SLC26A7: variants seen among roughly 807,000 people sequenced by gnomAD.
The protein encoded by SLC26A7 is solute carrier family 26 member 7, also known as anion exchange transporter.
A neutral mutation model predicts 82.5 loss-of-function variants in SLC26A7; 59 were observed. That is an observed-to-expected ratio of 0.72 (90% CI 0.58 to 0.89). The LOEUF is 0.89. SLC26A7 is among the 40% of genes least tolerant of loss of function. The pLI is 0.00. For missense variants in SLC26A7, 820 were observed against 793.0 expected (o/e 1.03, Z -0.41); for synonymous variants, 271 against 274.3 (o/e 0.99, Z 0.12).
At chr8:91,332,877 C>G (rs1813134035) in intron 5 of SLC26A7, among the ~76,000 whole-genome samples, 1 of 151,942 alleles carries the variant, frequency 6.6e-6, no homozygotes, top group Non-Finnish European at 1.5e-5. Flanking sequence ...TATAAATATA[C>G]TTTTATGTTT....
intron 5 of SLC26A7, among the ~76,000 whole-genome samples, chr8:91,324,254 G>A (rs931504416): frequency 2.6e-5 from 4 of 152,222 alleles, no homozygotes; most frequent in African/African-American, 4.8e-5. Flanking sequence ...AAGTTGACAA[G>A]AGACATCAAA....
chr8:91,371,675 T>TA (rs781606981), intron 15 of SLC26A7, among the ~76,000 whole-genome samples: 14 of 152,108 alleles, frequency 9.2e-5, no homozygotes, highest in Middle Eastern at 3.4e-3. Flanking sequence ...TTGTGAATAG[T>TA]ACTGTGATAA....
chr8:91,398,063 A>G lies in SLC26A7; in HGVS notation c.*2966A>G, dbSNP rs551335406. The stretch of plus-strand genomic sequence containing the variant: ...TTTTTTTATATTTTTCAATGCATTT[A>G]ATTATCTTTTTTATAATTCTTTGTA... On this transcript the variant is annotated 3_prime_UTR_variant, in exon 19 of 19. Coordinates refer to ENST00000276609, the MANE Select transcript of SLC26A7 (RefSeq NM_052832.4). 2 of 152,548 alleles carry G rather than the reference A, an allele frequency of 1.3e-5. No individual in the cohort carries two copies. The highest frequency in any genetic ancestry group is 6.5e-5 in the Admixed American group (1 of 15,270). The allele number at this position is 152,548 out of a possible 1,614,324, so 9.4% of individuals were successfully genotyped here.
At chr8:91,294,968 A>T (rs1811975806) in intron 3 of SLC26A7, among the ~76,000 whole-genome samples, 1 of 152,190 alleles carries the variant, frequency 6.6e-6, no homozygotes, top group South Asian at 2.1e-4. Flanking sequence ...ATGGACCCTT[A>T]TTAGATATGG....
intron 2 of SLC26A7, among the ~76,000 whole-genome samples, chr8:91,263,565 A>C (rs1044035828): frequency 6.6e-6 from 1 of 151,892 alleles, no homozygotes; most frequent in African/African-American, 2.4e-5. Flanking sequence ...CATTTATTTA[A>C]CTCTTTCTTT....
intron 4 of SLC26A7, among the ~76,000 whole-genome samples, chr8:91,307,170 G>A (rs1452801057): frequency 8.4e-6 from 1 of 118,590 alleles, no homozygotes; most frequent in Non-Finnish European, 1.7e-5. Context: ...AGAGGATGTG[G>A]AGAAATAGGA....
At chr8:91,375,795 G>T (rs1183573508) in intron 15 of SLC26A7, among the ~76,000 whole-genome samples, 2 of 151,418 alleles carry the variant, frequency 1.3e-5, no homozygotes, top group African/African-American at 4.9e-5. Context: ...CAAGATAAAA[G>T]ACATTTCTCT....
At chr8:91,293,515 T>G (rs946118477) in intron 3 of SLC26A7, among the ~76,000 whole-genome samples, 1 of 152,218 alleles carries the variant, frequency 6.6e-6, no homozygotes, top group African/African-American at 2.4e-5. Context: ...AGTACTCCCA[T>G]GTCCACATTG....
intron 10 of SLC26A7, among the ~76,000 whole-genome samples, chr8:91,352,571 A>C (rs1813746535): frequency 1.3e-5 from 2 of 152,144 alleles, no homozygotes. Context: ...TGCAACAAAT[A>C]CTTTTCAAAC....
At chr8:91,263,291 GT>G (rs370159584) in intron 2 of SLC26A7, among the ~76,000 whole-genome samples, 1 of 151,736 alleles carries the variant, frequency 6.6e-6, no homozygotes, top group East Asian at 1.9e-4. Context: ...TGTTATAATG[GT>G]TTTTTTTGTA....
intron 4 of SLC26A7, among the ~76,000 whole-genome samples, chr8:91,315,239 A>G (rs867661436): frequency 3.3e-5 from 5 of 152,186 alleles, no homozygotes; most frequent in Middle Eastern, 3.2e-3. Flanking sequence ...GATTTGGATT[A>G]CTTGTATTCT....
At chr8:91,250,758 A>G (rs962173994) in intron 2 of SLC26A7, among the ~76,000 whole-genome samples, 6 of 152,244 alleles carry the variant, frequency 3.9e-5, no homozygotes, top group Admixed American at 2.0e-4. Context: ...TCTTTTAATT[A>G]AATTATTCTG....
intron 15 of SLC26A7, among the ~76,000 whole-genome samples, chr8:91,380,339 G>A (rs916744331): frequency 1.3e-5 from 2 of 152,106 alleles, no homozygotes; most frequent in East Asian, 3.9e-4. Context: ...CTCTAAACAC[G>A]AAATTAATTT....
chr8:91,240,372 C>T (rs1339894514), intron 2 of SLC26A7, among the ~76,000 whole-genome samples: 1 of 152,072 alleles, frequency 6.6e-6, no homozygotes, highest in Non-Finnish European at 1.5e-5. Flanking sequence ...AATAGTGTTA[C>T]TAATTAATGG....
At chr8:91,275,967 A>G (rs1811395384) in intron 2 of SLC26A7, among the ~76,000 whole-genome samples, 1 of 152,192 alleles carries the variant, frequency 6.6e-6, no homozygotes, top group South Asian at 2.1e-4. Flanking sequence ...TCTTGAAGCC[A>G]GTGAGCTAAC....
intron 4 of SLC26A7, among the ~76,000 whole-genome samples, chr8:91,300,558 C>T (rs1340907921): frequency 6.6e-6 from 1 of 152,014 alleles, no homozygotes; most frequent in African/African-American, 2.4e-5. Flanking sequence ...CCACTACGCC[C>T]GGCTAATTTT....
chr8:91,394,463 T>A, intron 18 of SLC26A7: 2 of 1,391,230 alleles, frequency 1.4e-6, no homozygotes, highest in Non-Finnish European at 1.9e-6. Flanking sequence ...AAATACTATT[T>A]GTAGAATCTA....
chr8:91,394,128 C>A (rs202155100), intron 18 of SLC26A7, 89 bp downstream of exon 18: 1 of 1,589,530 alleles, frequency 6.3e-7, no homozygotes, highest in South Asian at 1.1e-5. Flanking sequence ...GCTTATTACT[C>A]CATTGGCATC....
At chr8:91,373,679 AG>A (rs1814427968) in intron 15 of SLC26A7, among the ~76,000 whole-genome samples, 1 of 151,902 alleles carries the variant, frequency 6.6e-6, no homozygotes, top group Non-Finnish European at 1.5e-5. Flanking sequence ...ATTGGCCTTT[AG>A]TACTACTTTT....
Sources: allele counts gnomAD v4.1 joint callset (sites outside exome capture counted in the v4.1 genomes callset), GRCh38; gene constraint gnomAD v4.1.1; transcripts MANE v1.5; gene names NCBI Gene and HGNC (gene_info 2026-07-23, HGNC 2026-07-21).